The following ITGBL1 variants were observed in gnomAD, a reference collection of about 807,000 sequenced individuals.
The protein encoded by ITGBL1 is integrin subunit beta like 1, also known as integrin beta-like protein 1.
Under a neutral mutation model 68.5 loss-of-function variants are expected in ITGBL1, and 51 were observed. That is an observed-to-expected ratio of 0.74 (90% CI 0.59 to 0.94). The LOEUF is 0.94. ITGBL1 is among the 40% of genes least tolerant of loss of function. ITGBL1 has a pLI of 0.00. For synonymous variants in ITGBL1, 209 were observed against 227.3 expected (o/e 0.92, Z 0.72); for missense variants, 649 against 647.4 (o/e 1.00, Z -0.03).
rs182599853 is a variant in ITGBL1 at position 101,600,675 on chromosome 13, T to C, written c.1015+2376T>C. ...GTTGTTGAATTTTGTCAAAGGCCTT[T>C]TCTGCATGTATTGAGATAATCATGT... On this transcript the variant is annotated intron_variant, in intron 7 of 10. Coordinates refer to ENST00000376180, the MANE Select transcript of ITGBL1 (RefSeq NM_004791.3). 2.6e-3 allele frequency among the ~76,000 whole-genome samples: 393 copies of C among 152,334 alleles called. 11 individuals are homozygous for C. Among genetic ancestry groups the C allele is most frequent in the Admixed American group, 0.022 (335 of 15,290 alleles).
intron 2 of ITGBL1, among the ~76,000 whole-genome samples, chr13:101,543,905 G>T (rs950554696): frequency 1.3e-5 from 2 of 151,954 alleles, no homozygotes; most frequent in Non-Finnish European, 2.9e-5. Flanking sequence ...CAGCTCCATC[G>T]GGTCCTTTAA....
intron 2 of ITGBL1, among the ~76,000 whole-genome samples, chr13:101,556,022 A>C (rs2049999564): frequency 6.6e-6 from 1 of 152,184 alleles, no homozygotes; most frequent in Non-Finnish European, 1.5e-5. Flanking sequence ...AAACACTTTC[A>C]GTGTGGATAG....
At chr13:101,542,502 T>A (rs143273716) in intron 2 of ITGBL1, among the ~76,000 whole-genome samples, 1 of 151,966 alleles carries the variant, frequency 6.6e-6, no homozygotes, top group Non-Finnish European at 1.5e-5. Flanking sequence ...GGAATAAGTG[T>A]GGTGTGGTGC....
At chr13:101,718,862 C>T (rs146688016), downstream of ITGBL1, 384 of 151,848 alleles carry the variant, frequency 2.5e-3, no homozygotes, top group African/African-American at 8.8e-3. Context: ...ACTCCATATT[C>T]AAGAGAGTCA....
intron 2 of ITGBL1, among the ~76,000 whole-genome samples, chr13:101,526,155 C>CTTCTT (rs368448615): frequency 0.45 from 61,116 of 136,070 alleles, 15,235 homozygotes; most frequent in East Asian, 0.59. Context: ...TCTTCTTCTT[C>CTTCTT]TTTTTTTTTT....
intron 2 of ITGBL1, among the ~76,000 whole-genome samples, chr13:101,499,202 T>C (rs536578357): frequency 2.2e-3 from 329 of 152,308 alleles, no homozygotes; most frequent in Middle Eastern, 3.4e-3. Flanking sequence ...TCTGCAAAAA[T>C]AATAAAATAA....
chr13:101,564,788 G>A (rs1354010751), intron 2 of ITGBL1, among the ~76,000 whole-genome samples: 1 of 150,712 alleles, frequency 6.6e-6, no homozygotes, highest in Non-Finnish European at 1.5e-5. Flanking sequence ...ATGTTATATA[G>A]TCATATATAA....
chr13:101,514,462 T>G (rs1411963161), intron 2 of ITGBL1, among the ~76,000 whole-genome samples: 4 of 152,110 alleles, frequency 2.6e-5, no homozygotes, highest in Non-Finnish European at 5.9e-5. Context: ...ATTATTTTTT[T>G]TGGTTAGGAA....
intron 2 of ITGBL1, among the ~76,000 whole-genome samples, chr13:101,502,511 T>G (rs2048960057): frequency 6.6e-6 from 1 of 152,230 alleles, no homozygotes; most frequent in Non-Finnish European, 1.5e-5. Context: ...CTCTTAGGTA[T>G]ATGAGATAAC....
intron 2 of ITGBL1, among the ~76,000 whole-genome samples, chr13:101,531,970 G>A (rs1422125564): frequency 2.6e-5 from 4 of 151,734 alleles, no homozygotes; most frequent in South Asian, 2.1e-4. Flanking sequence ...TCCTGACCTC[G>A]TGATCTGCCC....
chr13:101,646,271 T>C (rs1242346507), intron 7 of ITGBL1, among the ~76,000 whole-genome samples: 1 of 152,142 alleles, frequency 6.6e-6, no homozygotes, highest in Admixed American at 6.5e-5. Context: ...GTGTTTCCTT[T>C]TGAGAGCCAC....
chr13:101,520,925 A>G (rs1339319724), intron 2 of ITGBL1, among the ~76,000 whole-genome samples: 1 of 152,170 alleles, frequency 6.6e-6, no homozygotes, highest in African/African-American at 2.4e-5. Context: ...GCAGGATGAT[A>G]CAGTATTAAC....
intron 7 of ITGBL1, among the ~76,000 whole-genome samples, chr13:101,667,226 G>GT: frequency 6.6e-6 from 1 of 152,206 alleles, no homozygotes; most frequent in Middle Eastern, 3.4e-3. Context: ...TTCCAAGCTT[G>GT]TTTTTCTCAG....
intron 2 of ITGBL1, among the ~76,000 whole-genome samples, 161 bp from the exon 3 acceptor site, chr13:101,567,538 A>C (rs182195957): frequency 6.6e-6 from 1 of 152,202 alleles, no homozygotes; most frequent in East Asian, 1.9e-4. Flanking sequence ...ATTCCATTGC[A>C]TTTTATATAA....
chr13:101,491,553 CTGA>C (rs2048777184), intron 2 of ITGBL1, among the ~76,000 whole-genome samples: 1 of 152,176 alleles, frequency 6.6e-6, no homozygotes, highest in African/African-American at 2.4e-5. Context: ...ACACATTCTT[CTGA>C]TGATTTTTAA....
intron 6 of ITGBL1, among the ~76,000 whole-genome samples, chr13:101,595,518 A>G (rs188076084): frequency 1.3e-5 from 2 of 152,092 alleles, no homozygotes; most frequent in Non-Finnish European, 2.9e-5. Flanking sequence ...AAATCAAACA[A>G]CCAGATTAAA....
At chr13:101,577,832 T>C (rs2050389110) in intron 4 of ITGBL1, among the ~76,000 whole-genome samples, 1 of 152,192 alleles carries the variant, frequency 6.6e-6, no homozygotes, top group Non-Finnish European at 1.5e-5. Context: ...TTTAAGTTCA[T>C]AAATAAGATA....
chr13:101,552,363 C>A (rs1434314605), intron 2 of ITGBL1, among the ~76,000 whole-genome samples: 1 of 152,100 alleles, frequency 6.6e-6, no homozygotes, highest in East Asian at 1.9e-4. Context: ...AGTGACAATT[C>A]ATTTGAAATA....
In ITGBL1 at chr13:101,489,119, G is replaced by C. The variant is rs565817981; in HGVS notation, c.316+35019G>C. The stretch of plus-strand genomic sequence containing the variant: ...TTAAGTATAGAAACTGTAATGAGTG[G>C]CTAGATTACTACTCTGTTTTAAAAT... On this transcript the variant is annotated intron_variant, in intron 2 of 10. Coordinates refer to ENST00000376180, the MANE Select transcript of ITGBL1 (RefSeq NM_004791.3). Among the ~76,000 whole-genome samples the C allele has an allele frequency of 2.0e-5, 3 of 152,242 alleles. No individual in the cohort carries two copies. The South Asian group carries it at 6.2e-4, about 32-fold the overall frequency.
Sources: gnomAD v4.1 joint callset for allele counts (sites outside exome capture counted in the v4.1 genomes callset) on GRCh38, gnomAD v4.1.1 for gene constraint, MANE v1.5 for transcripts, NCBI Gene and HGNC (gene_info 2026-07-23, HGNC 2026-07-21) for gene names.